DHODH: variants seen among roughly 807,000 people sequenced by gnomAD.
The protein encoded by DHODH is dihydroorotate dehydrogenase (quinone), mitochondrial.
A neutral mutation model predicts 39.7 loss-of-function variants in DHODH; 30 were observed. That is an observed-to-expected ratio of 0.76 (90% CI 0.57 to 1.02). The LOEUF (loss-of-function observed/expected upper bound fraction) is 1.02. Among genes scored for constraint, DHODH ranks in the 50% least tolerant of loss-of-function variants. The pLI is 0.00. For synonymous variants in DHODH, 222 were observed against 213.8 expected, an observed-to-expected ratio of 1.04 and a Z score of -0.34; for missense variants, 531 against 520.8, an observed-to-expected ratio of 1.02 and a Z score of -0.19.
Position 72,021,312 on chromosome 16 carries a change from G to C in DHODH, c.705+1G>C. The C allele has an allele frequency of 6.2e-7, 1 of 1,600,828 alleles. No homozygotes were observed. The highest frequency in any genetic ancestry group is 8.5e-7 in the Non-Finnish European group (1 of 1,176,204). On this transcript the variant is annotated splice_donor_variant, in intron 5 of 8. Coordinates refer to ENST00000219240, the MANE Select transcript of DHODH (RefSeq NM_001361.5). LOFTEE classifies it high-confidence loss of function. ...CGAGCTGCGCCGCCTGCTGACCAAG[G>C]TGGGCAGCTGCACCCCTCTCCAGGC...
chr16:72,009,102 C>G lies in DHODH; in HGVS notation c.21+317C>G. The G allele has an allele frequency of 3.8e-6, 5 of 1,310,770 alleles. No individual in the cohort carries two copies. The South Asian group carries it at 8.9e-5, about 23-fold the overall frequency. 81.2% of individuals were successfully genotyped at this position (1,310,770 alleles called of 1,614,324 possible). A position where few individuals can be genotyped will look rare whatever the true frequency, so the allele number is the denominator to read the frequency against. Reference sequence around the variant, plus strand: ...ACCGCCTAGCGTTGTGTGCCGGATCCAACGGGGAATGAAACTAGAGTAGGA... The same window carrying G: ...ACCGCCTAGCGTTGTGTGCCGGATCGAACGGGGAATGAAACTAGAGTAGGA... On this transcript the variant is annotated intron_variant, in intron 1 of 8. Transcript: ENST00000219240.
At chr16:72,008,907 C>A in intron 1 of DHODH, 122 bp downstream of exon 1, 1 of 1,539,296 alleles carries the variant, frequency 6.5e-7, no homozygotes, top group South Asian at 1.2e-5. Context: ...CCCCCTGGGA[C>A]GTGTGCGTGT....
intron 5 of DHODH, 50 bp downstream of exon 5, chr16:72,021,361 C>T (rs1421421640): frequency 3.2e-6 from 5 of 1,545,046 alleles, no homozygotes; most frequent in Non-Finnish European, 4.4e-6. Flanking sequence ...CCTGTCCCAC[C>T]TGCTCCCCTT....
In DHODH at chr16:72,022,451, G is replaced by C. The variant is rs1452604264; in HGVS notation, c.795G>C (p.Glu265Asp). The C allele has an allele frequency of 6.4e-7, 1 of 1,555,034 alleles. No individual in the cohort carries two copies. Among genetic ancestry groups the C allele is most frequent in the Non-Finnish European group, 8.7e-7 (1 of 1,149,008 alleles). The stretch of plus-strand genomic sequence containing the variant: ...CTGACCTCACCAGCCAGGATAAGGA[G>C]GACATTGCCAGTGTGGTCAAAGAGG... ...IAPDLTSQDK[E>D]DIASVVKELG... The change falls in exon 6 of 9, where the codon GAG becomes GAC. Residue 265 changes from glutamate to aspartate, a missense_variant. By Grantham distance (45) the Glu-to-Asp change is conservative. Transcript: ENST00000219240.
intron 5 of DHODH, 152 bp from the exon 6 acceptor site, chr16:72,022,210 T>C (rs1597397660): frequency 1.6e-6 from 1 of 644,084 alleles, no homozygotes; most frequent in Non-Finnish European, 2.8e-6. Flanking sequence ...ACTGTACTCC[T>C]CACGTCTGAG....
chr16:72,019,916 C>T (rs1475965828), intron 4 of DHODH, among the ~76,000 whole-genome samples: 2 of 152,294 alleles, frequency 1.3e-5, no homozygotes, highest in East Asian at 1.9e-4. Context: ...CCAAGGCAAG[C>T]GGATCATTTG....
rs1039730778 is a variant in DHODH, at chr16:72,026,740, A to C, written c.*2541A>C. On this transcript the variant is annotated 3_prime_UTR_variant, in exon 9 of 9. Coordinates refer to ENST00000219240, the MANE Select transcript of DHODH (RefSeq NM_001361.5). ...AGGCTGCTTGAGCACCAGGATAAGGAGTTGTCTTGCATTCAGGGGCCATGT... is the reference window on the plus strand; with the variant it reads ...AGGCTGCTTGAGCACCAGGATAAGGCGTTGTCTTGCATTCAGGGGCCATGT... 6.6e-6 allele frequency: 1 copy of C among 151,456 alleles called. No homozygotes were observed. Among genetic ancestry groups the C allele is most frequent in the Non-Finnish European group, 1.5e-5 (1 of 68,006 alleles). The allele number at this position is 151,456 out of a possible 1,614,324, so 9.4% of individuals were successfully genotyped here. A position where few individuals can be genotyped will look rare whatever the true frequency, so the allele number is the denominator to read the frequency against.
chr16:72,024,274 G>C lies in DHODH; in HGVS notation c.*75G>C. The C allele has an allele frequency of 3.3e-6, 5 of 1,509,746 alleles. No individual in the cohort carries two copies. Among genetic ancestry groups the C allele is most frequent in the Non-Finnish European group, 4.6e-6 (5 of 1,087,340 alleles). The allele number at this position is 1,509,746 out of a possible 1,614,324, so 93.5% of individuals were successfully genotyped here. ...GCAAGCCTTTGTGGCTGGATCATGAGAGGAGGGACTCCATCTTGAGCCATG... is the reference window on the plus strand; with the variant it reads ...GCAAGCCTTTGTGGCTGGATCATGACAGGAGGGACTCCATCTTGAGCCATG... On this transcript the variant is annotated 3_prime_UTR_variant, in exon 9 of 9. Coordinates refer to ENST00000219240, the MANE Select transcript of DHODH (RefSeq NM_001361.5).
chr16:72,014,796 T>C, intron 3 of DHODH, 124 bp downstream of exon 3: 1 of 1,008,560 alleles, frequency 9.9e-7, no homozygotes, highest in Non-Finnish European at 1.5e-6. Context: ...TCATTTGGAA[T>C]GTTCAGGAAC....
intron 1 of DHODH, chr16:72,009,046 G>A: frequency 7.1e-7 from 1 of 1,413,924 alleles, no homozygotes; most frequent in South Asian, 1.5e-5. Context: ...ATGTTTTTGA[G>A]CCTGGCACAG....
intron 2 of DHODH, among the ~76,000 whole-genome samples, chr16:72,013,959 C>T (rs1317995189): frequency 6.6e-6 from 1 of 152,186 alleles, no homozygotes; most frequent in African/African-American, 2.4e-5. Context: ...CCGTGGGAGG[C>T]TGGGGGACGT....
intron 4 of DHODH, among the ~76,000 whole-genome samples, chr16:72,019,333 A>G (rs2041178004): frequency 6.6e-6 from 1 of 152,156 alleles, no homozygotes; most frequent in Non-Finnish European, 1.5e-5. Context: ...TGATGATGCG[A>G]GAGTGTGATT....
chr16:72,022,830 C>T (rs2041235482), intron 6 of DHODH, among the ~76,000 whole-genome samples: 2 of 152,158 alleles, frequency 1.3e-5, no homozygotes, highest in East Asian at 3.9e-4. Flanking sequence ...GTAGTGGAAA[C>T]AGACTGAGCC....
chr16:72,023,407 G>C, intron 7 of DHODH, 67 bp from the exon 8 acceptor site: 1 of 1,613,924 alleles, frequency 6.2e-7, no homozygotes, highest in Non-Finnish European at 8.5e-7. Context: ...AATCTGTCTT[G>C]ATTGTGGGGG....
rs780382367 is a variant in DHODH, at chr16:72,023,159, C to T, written c.820-6C>T. On this transcript the variant is annotated splice_region_variant and splice_polypyrimidine_tract_variant and intron_variant, in intron 6 of 8. Coordinates refer to ENST00000219240, the MANE Select transcript of DHODH (RefSeq NM_001361.5). The stretch of plus-strand genomic sequence containing the variant: ...CTCATGGCTTTTTCTCTATCTCGCA[C>T]TGCAGTTGGGCATCGATGGGCTGAT... The T allele has an allele frequency of 6.2e-7, 1 of 1,614,148 alleles. No homozygotes were observed.
chr16:72,008,811 G>A (rs1419086432), intron 1 of DHODH, 26 bp downstream of exon 1: 3 of 1,552,586 alleles, frequency 1.9e-6, no homozygotes, highest in East Asian at 2.4e-5. Context: ...GAGCAGTGTG[G>A]ATGGGGGACC....
In DHODH at chr16:72,017,005, G is replaced by A. The variant is rs2278028; in HGVS notation, c.435-19G>A. 24,787 of 1,612,208 alleles carry A rather than the reference G, an allele frequency of 0.015. 348 individuals carry two copies. The highest frequency in any genetic ancestry group is 0.074 in the East Asian group (3,310 of 44,848). The stretch of plus-strand genomic sequence containing the variant: ...GGTGCCGTCTCACTCTGCCCCTCCC[G>A]TGTGCTTGTGCTCTGCAGGTATGGA... On this transcript the variant is annotated intron_variant, in intron 3 of 8. Transcript: ENST00000219240.
chr16:72,012,786 C>G (rs1232361471), intron 2 of DHODH, among the ~76,000 whole-genome samples: 2 of 152,184 alleles, frequency 1.3e-5, no homozygotes, highest in African/African-American at 4.8e-5. Flanking sequence ...GCACACGGGC[C>G]CTCTCCATAT....
In DHODH at chr16:72,021,118, T is replaced by G. The variant is rs774320307; in HGVS notation, c.518-6T>G. Reference sequence around the variant, plus strand: ...GGGGTGCAGGCCTGACCAGCGATGTTTGCAGATGGACTGCCTCTGGGGGTC... The same window carrying G: ...GGGGTGCAGGCCTGACCAGCGATGTGTGCAGATGGACTGCCTCTGGGGGTC... On this transcript the variant is annotated splice_region_variant and splice_polypyrimidine_tract_variant and intron_variant, in intron 4 of 8. Transcript: ENST00000219240. The G allele has an allele frequency of 1.2e-6, 2 of 1,602,018 alleles. No homozygotes were observed. Among genetic ancestry groups the G allele is most frequent in the South Asian group, 2.2e-5 (2 of 89,136 alleles).
Sources: allele counts gnomAD v4.1 joint callset (sites outside exome capture counted in the v4.1 genomes callset), GRCh38; gene constraint gnomAD v4.1.1; transcripts MANE v1.5; gene names NCBI Gene and HGNC (gene_info 2026-07-23, HGNC 2026-07-21).